MZT2B: variants seen among roughly 807,000 people sequenced by gnomAD.
MZT2B encodes the protein mitotic-spindle organizing protein 2B.
Under a neutral mutation model 12.1 loss-of-function variants are expected in MZT2B, and 11 were observed. The ratio of observed to expected loss-of-function variants is 0.91; its 90% CI spans 0.57 to 1.50. The LOEUF is 1.50. MZT2B is among the 40% of genes most tolerant of loss of function. The pLI is 0.00. For missense variants in MZT2B, 209 were observed against 227.7 expected (o/e 0.92, Z 0.53); for synonymous variants, 85 against 109.5 (o/e 0.78, Z 1.40).
At chr2:130,184,335 C>A (rs1050171304) in intron 2 of MZT2B, 1 of 985,344 alleles carries the variant, frequency 1.0e-6, no homozygotes, top group Non-Finnish European at 1.2e-6. Flanking sequence ...AGAAGTTGTC[C>A]CTTATCTGGA....
chr2:130,183,720 C>T (rs1199560425), intron 2 of MZT2B: 1 of 1,550,440 alleles, frequency 6.4e-7, no homozygotes, highest in Admixed American at 2.0e-5. Context: ...GCCCGGGCAC[C>T]TGCGTGCTGG....
At chr2:130,194,629 C>T (rs544387697), downstream of MZT2B, among the ~76,000 whole-genome samples, 31 of 152,306 alleles carry the variant, frequency 2.0e-4, no homozygotes, top group African/African-American at 5.5e-4. Context: ...CAAAGATCTA[C>T]GGACAAATCA....
chr2:130,186,472 C>A (rs1260167610), intron 2 of MZT2B, among the ~76,000 whole-genome samples: 1 of 152,186 alleles, frequency 6.6e-6, no homozygotes, highest in African/African-American at 2.4e-5. Context: ...AGAAACTATA[C>A]GTTTTAAAAG....
downstream of MZT2B, among the ~76,000 whole-genome samples, chr2:130,194,760 C>A (rs1307794621): frequency 6.6e-6 from 1 of 152,160 alleles, no homozygotes; most frequent in African/African-American, 2.4e-5. Flanking sequence ...TCACTGCAAC[C>A]TCCACCTTCC....
At chr2:130,190,419 C>T in intron 2 of MZT2B, 50 bp from the exon 3 acceptor site, 1 of 1,598,154 alleles carries the variant, frequency 6.3e-7, no homozygotes, top group East Asian at 2.3e-5. Flanking sequence ...GCAGGTGCTG[C>T]AGTTACGGGG....
At chr2:130,194,866 T>TA (rs1385491845), downstream of MZT2B, among the ~76,000 whole-genome samples, 2 of 152,220 alleles carry the variant, frequency 1.3e-5, no homozygotes, top group African/African-American at 4.8e-5. Context: ...TTAGTAGACA[T>TA]AGAGTTTCAC....
the MZT2B span, among the ~76,000 whole-genome samples, chr2:130,201,726 G>A: frequency 2.6e-5 from 4 of 152,154 alleles, no homozygotes; most frequent in Non-Finnish European, 4.4e-5. Context: ...ATACGTTCTC[G>A]ACAATGCATC....
downstream of MZT2B, chr2:130,194,155 G>A (rs1357400034): frequency 1.2e-6 from 2 of 1,613,948 alleles, no homozygotes. Flanking sequence ...GCCCAATCAG[G>A]CGATTGAGGT....
chr2:130,183,383 G>T, intron 2 of MZT2B: 1 of 336,384 alleles, frequency 3.0e-6, no homozygotes, highest in South Asian at 2.8e-5. Context: ...AGTCAGACGC[G>T]GAACTCCCAG....
At chr2:130,184,542 C>T (rs1192614025) in intron 2 of MZT2B, 1 of 985,234 alleles carries the variant, frequency 1.0e-6, no homozygotes, top group Non-Finnish European at 1.2e-6. Context: ...TGTGAGAGCC[C>T]AGGGGTCTTT....
intron 2 of MZT2B, among the ~76,000 whole-genome samples, chr2:130,189,701 A>C (rs1360068515): frequency 6.6e-6 from 1 of 152,238 alleles, no homozygotes; most frequent in Non-Finnish European, 1.5e-5. Context: ...AATCCATCCC[A>C]TTAAAATAAA....
downstream of MZT2B, chr2:130,191,809 G>A (rs1489574294): frequency 6.3e-7 from 1 of 1,587,252 alleles, no homozygotes; most frequent in African/African-American, 1.3e-5. Context: ...GGTGGCAGGG[G>A]AGAACCCACC....
the MZT2B span, among the ~76,000 whole-genome samples, chr2:130,201,078 C>A: frequency 1.6e-3 from 247 of 152,360 alleles, no homozygotes; most frequent in African/African-American, 5.6e-3. Flanking sequence ...AGAGAGGGAG[C>A]TCCCCCAGTG....
chr2:130,190,816 A>G (rs187552711), downstream of MZT2B: 3 of 1,305,950 alleles, frequency 2.3e-6, no homozygotes, highest in African/African-American at 1.5e-5. Context: ...TGGTTGTGCC[A>G]CAGTGAACTA....
At chr2:130,192,643 A>C (rs887660447), downstream of MZT2B, among the ~76,000 whole-genome samples, 9 of 152,202 alleles carry the variant, frequency 5.9e-5, no homozygotes, top group Non-Finnish European at 1.3e-4. Context: ...GAAGTGGTCG[A>C]AGTGGTCCAT....
chr2:130,197,510 AAAAG>A, the MZT2B span, among the ~76,000 whole-genome samples: 4 of 110,370 alleles, frequency 3.6e-5, 1 homozygote, highest in African/African-American at 8.6e-5. Context: ...AAAAAAAAAG[AAAAG>A]AAAAGAAAAA....
downstream of MZT2B, chr2:130,194,229 C>G: frequency 1.2e-6 from 2 of 1,612,388 alleles, no homozygotes; most frequent in Non-Finnish European, 1.7e-6. Context: ...GCTTCATTGT[C>G]GACCATGAAG....
Position 130,190,565 on chromosome 2 carries a change from G to A in MZT2B, c.416G>A (p.Ser139Asn). Residue 139 changes from serine to asparagine, a missense_variant, in exon 3 of 3, where the codon AGC (serine) becomes AAC (asparagine). Coordinates refer to ENST00000281871, the MANE Select transcript of MZT2B (RefSeq NM_025029.5). The part of the protein sequence containing the change: ...GSSQRMPRQP[S>N]ATRLPKGGGP... ...AGCCAGAGGATGCCACGCCAGCCCAGCGCTACCAGGCTGCCCAAGGGGGGC... is the reference window on the plus strand; with the variant it reads ...AGCCAGAGGATGCCACGCCAGCCCAACGCTACCAGGCTGCCCAAGGGGGGC... 1.2e-6 allele frequency: 2 copies of A among 1,613,686 alleles called. No homozygotes were observed. Among genetic ancestry groups the A allele is most frequent in the Non-Finnish European group, 1.7e-6 (2 of 1,179,896 alleles).
At position 130,183,868 on chromosome 2, in the gene MZT2B, C is replaced by G. The variant is rs200567237; in HGVS notation, c.319+1093C>G. The G allele has an allele frequency of 9.7e-6, 15 of 1,550,540 alleles. No individual in the cohort carries two copies. The Admixed American group carries it at 2.5e-4, about 26-fold the overall frequency. ...TCCAGCCCGCAGCCTGCGGCCTCTC[C>G]GGTTCTGCTCCACAGCCCGGCTGCC... is the stretch of plus-strand genomic sequence containing the variant. On this transcript the variant is annotated intron_variant, in intron 2 of 2. Coordinates refer to ENST00000281871, the MANE Select transcript of MZT2B (RefSeq NM_025029.5).
Sources: allele counts gnomAD v4.1 joint callset (sites outside exome capture counted in the v4.1 genomes callset), GRCh38; gene constraint gnomAD v4.1.1; transcripts MANE v1.5; gene names NCBI Gene and HGNC (gene_info 2026-07-23, HGNC 2026-07-21).